The following PKHD1 variants were observed in gnomAD, a reference collection of about 807,000 sequenced individuals.
The protein encoded by PKHD1 is PKHD1 ciliary IPT domain containing fibrocystin/polyductin.
A neutral mutation model predicts 412.0 loss-of-function variants in PKHD1; 291 were observed. That is an observed-to-expected ratio of 0.71 (90% CI 0.64 to 0.78). PKHD1 has a LOEUF of 0.78. Among genes scored for constraint, PKHD1 ranks in the 30% least tolerant of loss-of-function variants. PKHD1 has a pLI of 0.00. For synonymous variants in PKHD1, 1,777 were observed against 1,821.5 expected (o/e 0.98, Z 0.62); for missense variants, 4,825 against 4,950.7 (o/e 0.97, Z 0.76).
intron 60 of PKHD1, chr6:51,740,139 C>T: frequency 2.3e-6 from 1 of 426,180 alleles, no homozygotes; most frequent in Admixed American, 2.5e-5. Flanking sequence ...GTCTTGCTCT[C>T]TACTGTTATA....
chr6:51,677,875 A>G (rs531630030), intron 60 of PKHD1, among the ~76,000 whole-genome samples: 1 of 152,314 alleles, frequency 6.6e-6, no homozygotes, highest in South Asian at 2.1e-4. Flanking sequence ...AATTCAAAAA[A>G]AAATCCTTAC....
intron 53 of PKHD1, among the ~76,000 whole-genome samples, chr6:51,789,688 C>T (rs1653992387): frequency 6.6e-6 from 1 of 152,122 alleles, no homozygotes; most frequent in African/African-American, 2.4e-5. Context: ...ATTTCCACCA[C>T]ATAATTCTCT....
chr6:51,705,927 C>T (rs1210949866), intron 60 of PKHD1, among the ~76,000 whole-genome samples: 1 of 152,116 alleles, frequency 6.6e-6, no homozygotes, highest in African/African-American at 2.4e-5. Flanking sequence ...GCATTATACA[C>T]AGAGTATCAA....
intron 37 of PKHD1, among the ~76,000 whole-genome samples, chr6:51,921,246 T>C (rs897573636): frequency 6.6e-6 from 1 of 152,204 alleles, no homozygotes; most frequent in Non-Finnish European, 1.5e-5. Flanking sequence ...TCCTGCTTTC[T>C]CTTGTGGGCA....
intron 44 of PKHD1, 60 bp from the exon 45 acceptor site, chr6:51,886,032 T>G (rs746683939): frequency 1.8e-5 from 18 of 1,022,410 alleles, no homozygotes. Flanking sequence ...TTCTACTTTT[T>G]CTTGTTGAAA....
At chr6:51,796,861 C>G (rs931701325) in intron 52 of PKHD1, among the ~76,000 whole-genome samples, 1 of 149,590 alleles carries the variant, frequency 6.7e-6, no homozygotes, top group African/African-American at 2.5e-5. Flanking sequence ...CTCTGTCACC[C>G]AGGCTGGAGT....
At chr6:51,711,628 G>T (rs1433724564) in intron 60 of PKHD1, among the ~76,000 whole-genome samples, 1 of 152,130 alleles carries the variant, frequency 6.6e-6, no homozygotes, top group Non-Finnish European at 1.5e-5. Flanking sequence ...CAGGCTCCTT[G>T]AGTTGGAAAC....
At chr6:51,899,953 C>T (rs1189351117) in intron 43 of PKHD1, among the ~76,000 whole-genome samples, 2 of 152,104 alleles carry the variant, frequency 1.3e-5, no homozygotes, top group African/African-American at 4.8e-5. Context: ...AGGAATCCAA[C>T]TTACAAGGGA....
Position 52,072,312 on chromosome 6 carries a change from C to G in PKHD1, c.528-123G>C, listed in dbSNP as rs1185554768. On this transcript the variant is annotated intron_variant, in intron 7 of 66. Transcript: ENST00000371117. ...ACACTCTCCTCTGGATTTTTCTGCA[C>G]TATTGCAGGTGGCTGAAGGCGGATG... The G allele has an allele frequency of 6.9e-6, 5 of 724,398 alleles. No homozygotes were observed. In the Admixed American group the frequency reaches 8.0e-5, roughly 12 times the overall value. The allele number at this position is 724,398 out of a possible 1,614,324, so 44.9% of individuals were successfully genotyped here.
chr6:51,991,593 T>A (rs1365891687), intron 35 of PKHD1, among the ~76,000 whole-genome samples: 1 of 152,220 alleles, frequency 6.6e-6, no homozygotes. Context: ...AAATTGATTA[T>A]TTTAAAAGTT....
At chr6:51,801,652 TGTGAGA>T (rs1273179776) in intron 52 of PKHD1, among the ~76,000 whole-genome samples, 8 of 143,076 alleles carry the variant, frequency 5.6e-5, no homozygotes, top group African/African-American at 1.1e-4. Context: ...TGTGTGTGTG[TGTGAGA>T]GAGAGAGAGA....
chr6:51,797,084 G>A (rs1053480720), intron 52 of PKHD1, among the ~76,000 whole-genome samples: 3 of 152,168 alleles, frequency 2.0e-5, no homozygotes, highest in African/African-American at 7.2e-5. Flanking sequence ...AAAGTGCTGG[G>A]ATGACAGCTG....
In PKHD1 at chr6:52,076,315, GTGTC is replaced by G; in HGVS notation, c.405_408del (p.Gln135HisfsTer17). Reference sequence around the variant, plus strand: ...GGTGGATAAACTTGGTGAACGATGGGTGTCTGCGCCTTGGAAAACTGTTTAGAAA... The same window carrying G: ...GGTGGATAAACTTGGTGAACGATGGGTGCGCCTTGGAAAACTGTTTAGAAA... On this transcript the variant is annotated frameshift_variant, in exon 6 of 67. Transcript: ENST00000371117. LOFTEE classifies it high-confidence loss of function. The G allele has an allele frequency of 6.2e-7, 1 of 1,612,674 alleles. No individual in the cohort carries two copies. The highest frequency in any genetic ancestry group is 8.5e-7 in the Non-Finnish European group (1 of 1,178,718).
intron 6 of PKHD1, 95 bp downstream of exon 6, chr6:52,076,181 A>C (rs1268379288): frequency 3.7e-6 from 3 of 820,982 alleles, no homozygotes; most frequent in Non-Finnish European, 6.4e-6. Flanking sequence ...GAAGAAGTTA[A>C]ATTTTCCCAC....
At chr6:52,042,509 A>T (rs1805067236) in intron 27 of PKHD1, among the ~76,000 whole-genome samples, 1 of 152,096 alleles carries the variant, frequency 6.6e-6, no homozygotes, top group Non-Finnish European at 1.5e-5. Flanking sequence ...TGTTGACAAG[A>T]CCCACCACCC....
chr6:51,920,758 T>C (rs1285178605), intron 37 of PKHD1, among the ~76,000 whole-genome samples: 1 of 152,180 alleles, frequency 6.6e-6, no homozygotes, highest in Non-Finnish European at 1.5e-5. Context: ...GTCCTGGACT[T>C]TTTTTGGTTG....
At chr6:51,716,450 G>A (rs900117952) in intron 60 of PKHD1, among the ~76,000 whole-genome samples, 1 of 152,108 alleles carries the variant, frequency 6.6e-6, no homozygotes, top group African/African-American at 2.4e-5. Flanking sequence ...ATAGGCAGAG[G>A]CACCAAGAAG....
In PKHD1 at chr6:52,062,566, A is replaced by G. The variant is rs753662225; in HGVS notation, c.1071T>C (p.Asn357=). ...TPGYRWQIVP[N]ASSPFGFWSQ... ...ACCAAAACCCAAATGGAGAACTGGC[A>G]TTAGGGACAATCTGCCACCTGTACC... The change falls in exon 14 of 67, where the codon AAT becomes AAC. Residue 357 remains asparagine (N), a synonymous_variant. Transcript: ENST00000371117. 2.2e-5 allele frequency: 36 copies of G among 1,614,172 alleles called. No individual in the cohort carries two copies. The South Asian group carries it at 4.0e-4, about 18-fold the overall frequency.
Position 51,669,508 on chromosome 6 carries a change from C to A in PKHD1, c.10157-9539G>T, listed in dbSNP as rs1486984245. On this transcript the variant is annotated intron_variant, in intron 60 of 66. Transcript: ENST00000371117. ...CTTTCAAAAAACCAGCTCCTGGATT[C>A]ATTAATTTTTTGAAGGGTTTTTTGT... is the stretch of plus-strand genomic sequence containing the variant. 1.4e-4 allele frequency among the ~76,000 whole-genome samples: 21 copies of A among 148,488 alleles called. No homozygotes were observed. In the East Asian group the frequency reaches 3.4e-3, roughly 24 times the overall value.
Sources: allele counts gnomAD v4.1 joint callset (sites outside exome capture counted in the v4.1 genomes callset), GRCh38; gene constraint gnomAD v4.1.1; transcripts MANE v1.5; gene names NCBI Gene and HGNC (gene_info 2026-07-23, HGNC 2026-07-21).